ANKRD12: variants seen among roughly 807,000 people sequenced by gnomAD.
ANKRD12 encodes the protein ankyrin repeat domain 12.
ANKRD12 carries 85 observed loss-of-function variants against 183.4 expected under a neutral mutation model. The observed-to-expected ratio is 0.46, with a 90% CI of 0.39 to 0.56. ANKRD12 has a LOEUF of 0.56. Ranked by LOEUF, ANKRD12 falls within the 20% of genes least tolerant of loss-of-function variation. ANKRD12 has a pLI of 0.00. For synonymous variants in ANKRD12, 914 were observed against 800.2 expected (o/e 1.14, Z -2.40); for missense variants, 2,405 against 2,357.1 (o/e 1.02, Z -0.42).
chr18:9,160,189 C>G (rs567960729), intron 1 of ANKRD12, among the ~76,000 whole-genome samples: 161 of 152,256 alleles, frequency 1.1e-3, no homozygotes, highest in African/African-American at 3.7e-3. Flanking sequence ...GATCACAGCT[C>G]AGTGCAACCT....
chr18:9,252,415 C>A (rs1692495957), intron 8 of ANKRD12, among the ~76,000 whole-genome samples: 1 of 152,012 alleles, frequency 6.6e-6, no homozygotes, highest in East Asian at 1.9e-4. Flanking sequence ...CATGTGTGGC[C>A]CAGGTTCCAG....
chr18:9,256,964 T>C lies in ANKRD12; in HGVS notation c.3697T>C (p.Phe1233Leu). The C allele has an allele frequency of 6.2e-7, 1 of 1,614,118 alleles. No individual in the cohort carries two copies. The highest frequency in any genetic ancestry group is 8.5e-7 in the Non-Finnish European group (1 of 1,179,986). ...GCCTCCAGTTGAGTATGACTCTGACTTTATGTTAGAGAGTTCAGAATCCCA... is the reference window on the plus strand; with the variant it reads ...GCCTCCAGTTGAGTATGACTCTGACCTTATGTTAGAGAGTTCAGAATCCCA... ...PRPPVEYDSD[F>L]MLESSESQMS... The change falls in exon 9 of 13, where the codon TTT (phenylalanine) becomes CTT (leucine). Residue 1233 changes from phenylalanine (F) to leucine (L), a missense_variant. Phe to Leu is a conservative substitution (Grantham distance 22). Transcript: ENST00000262126.
At chr18:9,177,342 A>G (rs925036073) in intron 1 of ANKRD12, among the ~76,000 whole-genome samples, 5 of 152,286 alleles carry the variant, frequency 3.3e-5, no homozygotes, top group Admixed American at 6.5e-5. Flanking sequence ...CCAGCCACAT[A>G]TGAGAGTTCC....
chr18:9,196,108 AACACACACACACACACACACAC>A (rs36156556), intron 3 of ANKRD12, among the ~76,000 whole-genome samples: 3 of 64,110 alleles, frequency 4.7e-5, no homozygotes, highest in South Asian at 6.3e-4. Flanking sequence ...GAAACATGCA[AACACACACACACACACACACAC>A]ACACACACAC....
chr18:9,275,472 A>C, intron 10 of ANKRD12, 52 bp from the exon 11 acceptor site: 1 of 1,559,784 alleles, frequency 6.4e-7, no homozygotes, highest in Non-Finnish European at 8.8e-7. Context: ...GACTGTTCTT[A>C]AACAAAAATT....
chr18:9,268,808 A>G (rs1244739203), intron 10 of ANKRD12, among the ~76,000 whole-genome samples: 2 of 152,188 alleles, frequency 1.3e-5, no homozygotes, highest in Non-Finnish European at 2.9e-5. Context: ...AGGGTATTCA[A>G]TTAGGAAAAG....
At chr18:9,226,930 G>A (rs749202416) in intron 8 of ANKRD12, among the ~76,000 whole-genome samples, 6 of 152,160 alleles carry the variant, frequency 3.9e-5, no homozygotes. Context: ...CGCAGAGATG[G>A]TAATTAAAGG....
Position 9,255,645 on chromosome 18 carries a change from T to C in ANKRD12, c.2378T>C (p.Ile793Thr), listed in dbSNP as rs1297509447. Residue 793 changes from isoleucine to threonine, a missense_variant, in exon 9 of 13, where the codon ATT becomes ACT. This residue lies in a region of ANKRD12 where 1,983 missense variants were observed against 1,725.9 expected (regional missense o/e 1.15). Coordinates refer to ENST00000262126, the MANE Select transcript of ANKRD12 (RefSeq NM_015208.5). ...TTTACTTCTTTGGGTATGAGTGCCA[T>C]TGAGGAATCTATAGGGCTTCATTTA... ...SEFTSLGMSA[I>T]EESIGLHLVE... is the part of the protein sequence containing the mutation. The C allele has an allele frequency of 1.9e-6, 3 of 1,578,416 alleles. No homozygotes were observed. Among genetic ancestry groups the C allele is most frequent in the Non-Finnish European group, 2.6e-6 (3 of 1,170,998 alleles).
intron 7 of ANKRD12, among the ~76,000 whole-genome samples, chr18:9,217,594 T>C (rs1223111153): frequency 1.3e-5 from 2 of 152,220 alleles, no homozygotes; most frequent in Non-Finnish European, 2.9e-5. Context: ...TCCATGTTTC[T>C]CAGCAAAGAA....
chr18:9,285,220 AAAAG>A lies in ANKRD12; in HGVS notation c.*4102_*4105del, dbSNP rs199659050. ...CGAGACTCCGTCTCAAAAAAAAAAA[AAAAG>A]AAAGAAAAGAAAATAGGCCAATATG... On this transcript the variant is annotated 3_prime_UTR_variant, in exon 13 of 13. Coordinates refer to ENST00000262126, the MANE Select transcript of ANKRD12 (RefSeq NM_015208.5). 0.039 allele frequency: 5,739 copies of A among 148,784 alleles called. 150 individuals are homozygous for A. Among genetic ancestry groups the A allele is most frequent in the Non-Finnish European group, 0.053 (3,521 of 66,458 alleles). 9.2% of individuals were successfully genotyped at this position (148,784 alleles called of 1,614,324 possible).
At chr18:9,173,894 G>T (rs56317320) in intron 1 of ANKRD12, among the ~76,000 whole-genome samples, 79,263 of 151,806 alleles carry the variant, frequency 0.52, 22,975 homozygotes, top group South Asian at 0.75. Flanking sequence ...AAAATAATAA[G>T]AAGAAGAAAG....
intron 2 of ANKRD12, among the ~76,000 whole-genome samples, chr18:9,192,152 A>G (rs559439851): frequency 1.3e-5 from 2 of 152,300 alleles, no homozygotes; most frequent in Non-Finnish European, 2.9e-5. Context: ...GTCTCACCAT[A>G]TAATAAAACC....
chr18:9,227,902 C>T (rs2036816010), intron 8 of ANKRD12, among the ~76,000 whole-genome samples: 1 of 152,152 alleles, frequency 6.6e-6, no homozygotes, highest in Non-Finnish European at 1.5e-5. Context: ...TTAGAACTTA[C>T]TTCATCTAAC....
At chr18:9,195,115 T>TA (rs1466379155) in intron 2 of ANKRD12, among the ~76,000 whole-genome samples, 2 of 152,052 alleles carry the variant, frequency 1.3e-5, no homozygotes, top group African/African-American at 4.8e-5. Flanking sequence ...CATGATCTCA[T>TA]AAGTGGGAGC....
chr18:9,244,425 T>A (rs1417458181), intron 8 of ANKRD12, among the ~76,000 whole-genome samples: 1 of 152,130 alleles, frequency 6.6e-6, no homozygotes, highest in African/African-American at 2.4e-5. Flanking sequence ...GCTCAAGAGA[T>A]CTTCCTGTTG....
intron 3 of ANKRD12, among the ~76,000 whole-genome samples, chr18:9,201,890 C>G (rs1400580507): frequency 1.3e-5 from 2 of 151,164 alleles, no homozygotes; most frequent in African/African-American, 4.9e-5. Flanking sequence ...TGCAGTGGCA[C>G]AGTCTCGGCT....
At chr18:9,245,412 A>G (rs899755625) in intron 8 of ANKRD12, among the ~76,000 whole-genome samples, 1 of 152,104 alleles carries the variant, frequency 6.6e-6, no homozygotes, top group African/African-American at 2.4e-5. Flanking sequence ...GAACACTGTG[A>G]TCATACCACC....
At chr18:9,174,014 C>T (rs1477346213) in intron 1 of ANKRD12, among the ~76,000 whole-genome samples, 1 of 152,190 alleles carries the variant, frequency 6.6e-6, no homozygotes, top group East Asian at 1.9e-4. Flanking sequence ...TGCTGAAATT[C>T]CCTCAGGGAG....
intron 8 of ANKRD12, chr18:9,249,698 A>G (rs1395291681): frequency 6.6e-6 from 1 of 152,266 alleles, no homozygotes. Context: ...ATAAATCTGT[A>G]ACTGGGTGTG....
Sources: gnomAD v4.1 joint callset for allele counts (sites outside exome capture counted in the v4.1 genomes callset) on GRCh38, gnomAD v4.1.1 for gene constraint, gnomAD v4.1.1 regional missense constraint, MANE v1.5 for transcripts, NCBI Gene and HGNC (gene_info 2026-07-23, HGNC 2026-07-21) for gene names.